Variants in FAM184B observed in about 807,000 individuals in gnomAD.
FAM184B encodes protein FAM184B.
A neutral mutation model predicts 135.9 loss-of-function variants in FAM184B; 111 were observed. The ratio of observed to expected loss-of-function variants is 0.82; its 90% confidence interval spans 0.70 to 0.96. FAM184B has a LOEUF of 0.96. Ranked by LOEUF, FAM184B falls within the 40% of genes least tolerant of loss-of-function variation. The pLI is 0.00. For synonymous variants in FAM184B, 552 were observed against 524.8 expected (o/e 1.05, Z -0.71); for missense variants, 1,375 against 1,323.9 (o/e 1.04, Z -0.60).
Position 17,632,356 on chromosome 4 carries a change from T to G in FAM184B, c.*176A>C. 3 of 472,316 alleles carry G rather than the reference T, an allele frequency of 6.4e-6. No homozygotes were observed. The highest frequency in any genetic ancestry group is 3.7e-5 in the East Asian group (1 of 27,392). The allele number at this position is 472,316 out of a possible 1,614,324, so 29.3% of individuals were successfully genotyped here. A position where few individuals can be genotyped will look rare whatever the true frequency, so the allele number is the denominator to read the frequency against. ...TCCCAAAGTGATGGGATTACAGGCG[T>G]GAGCTGCTGTGCCTGGCAGAACAGT... On this transcript the variant is annotated 3_prime_UTR_variant, in exon 18 of 18. Transcript: ENST00000265018.
intron 5 of FAM184B, among the ~76,000 whole-genome samples, chr4:17,697,226 T>A (rs542230431): frequency 1.2e-4 from 19 of 152,058 alleles, no homozygotes; most frequent in Admixed American, 1.2e-3. Context: ...TGACTGAATG[T>A]GAGGGGTGAG....
intron 3 of FAM184B, 104 bp from the exon 4 acceptor site, chr4:17,705,995 C>T: frequency 6.3e-6 from 9 of 1,430,140 alleles, no homozygotes; most frequent in Non-Finnish European, 8.5e-6. Context: ...ACCACTTTGT[C>T]CAACATCCCC....
chr4:17,646,669 T>C (rs189398214), intron 12 of FAM184B, among the ~76,000 whole-genome samples: 8 of 152,124 alleles, frequency 5.3e-5, no homozygotes, highest in Non-Finnish European at 1.2e-4. Flanking sequence ...ACATGGCACA[T>C]GCACACATAT....
At chr4:17,641,038 A>G (rs530355957) in intron 13 of FAM184B, among the ~76,000 whole-genome samples, 1 of 152,016 alleles carries the variant, frequency 6.6e-6, no homozygotes. Context: ...GGCTCAAGCA[A>G]TCCCCCCTCA....
chr4:17,760,017 G>A (rs1005333209), intron 1 of FAM184B, among the ~76,000 whole-genome samples: 1 of 151,880 alleles, frequency 6.6e-6, no homozygotes, highest in Non-Finnish European at 1.5e-5. Flanking sequence ...CCGCACACCT[G>A]GGCTCTTTTC....
chr4:17,742,152 ATATATATATATATATAT>A (rs1280271617), intron 1 of FAM184B, among the ~76,000 whole-genome samples: 1 of 76,206 alleles, frequency 1.3e-5, no homozygotes, highest in African/African-American at 5.6e-5. Context: ...ATATATATAT[ATATATATATATATATAT>A]TTTTTTTTTT....
At chr4:17,677,789 G>A (rs926462596) in intron 7 of FAM184B, among the ~76,000 whole-genome samples, 1 of 151,974 alleles carries the variant, frequency 6.6e-6, no homozygotes, top group African/African-American at 2.4e-5. Context: ...ACTAGCTAAC[G>A]AAATCCAACA....
At chr4:17,745,567 T>C (rs1399256701) in intron 1 of FAM184B, among the ~76,000 whole-genome samples, 1 of 152,168 alleles carries the variant, frequency 6.6e-6, no homozygotes, top group Non-Finnish European at 1.5e-5. Context: ...GGTTCTCCTA[T>C]CCACCCACTT....
At chr4:17,767,719 G>A (rs1470062337) in intron 1 of FAM184B, among the ~76,000 whole-genome samples, 13 of 29,368 alleles carry the variant, frequency 4.4e-4, no homozygotes, top group Non-Finnish European at 6.4e-4. Context: ...CCCACCCCCC[G>A]CCAGCCCCCT....
chr4:17,781,347 A>G lies in FAM184B; in HGVS notation c.-48T>C. On this transcript the variant is annotated 5_prime_UTR_variant, in exon 1 of 18. Coordinates refer to ENST00000265018, the MANE Select transcript of FAM184B (RefSeq NM_015688.2). This position sits in a 1 kb window ranked among gnomAD's most constrained non-coding sequence, Gnocchi z 6.5. ...AGACTCTCTCGTTTTCTCCCTGCCC[A>G]CCGTGTGCACGTGCGTGCGCGCGCG... is the stretch of plus-strand genomic sequence containing the variant. The G allele has an allele frequency of 1.4e-6, 2 of 1,469,598 alleles. No homozygotes were observed. Among genetic ancestry groups the G allele is most frequent in the Non-Finnish European group, 9.1e-7 (1 of 1,102,494 alleles). 91.0% of individuals were successfully genotyped at this position (1,469,598 alleles called of 1,614,324 possible).
intron 1 of FAM184B, among the ~76,000 whole-genome samples, chr4:17,761,372 G>A (rs1718543711): frequency 6.6e-6 from 1 of 152,158 alleles, no homozygotes; most frequent in South Asian, 2.1e-4. Flanking sequence ...CTTGAGCTTG[G>A]ACTTTCAGGC....
At chr4:17,679,643 A>G (rs114189118) in intron 7 of FAM184B, among the ~76,000 whole-genome samples, 100 of 152,320 alleles carry the variant, frequency 6.6e-4, no homozygotes, top group African/African-American at 2.2e-3. Context: ...ATTGTTTTCT[A>G]TATAGAACTA....
intron 14 of FAM184B, among the ~76,000 whole-genome samples, chr4:17,638,419 C>A (rs996574709): frequency 6.6e-6 from 1 of 151,646 alleles, no homozygotes; most frequent in Non-Finnish European, 1.5e-5. Context: ...TCTCGAACTC[C>A]TGGGCTCAAG....
rs146290673 is a variant in FAM184B at position 17,743,005 on chromosome 4, G to A, written c.142-33361C>T. On this transcript the variant is annotated intron_variant, in intron 1 of 17. Transcript: ENST00000265018. ...CCCCACAGAGCTTGCTCCTGCCAGA[G>A]AGGAGTGGCCGGCCATTCCAGCATC... is the stretch of plus-strand genomic sequence containing the variant. 9.2e-5 allele frequency among the ~76,000 whole-genome samples: 14 copies of A among 152,336 alleles called. No homozygotes were observed. The East Asian group carries it at 2.3e-3, about 25-fold the overall frequency.
At chr4:17,721,040 T>A (rs960749948) in intron 1 of FAM184B, among the ~76,000 whole-genome samples, 6 of 151,808 alleles carry the variant, frequency 4.0e-5, no homozygotes, top group Non-Finnish European at 5.9e-5. Context: ...CACTACCAGA[T>A]CCCCAAAGAG....
At chr4:17,724,978 A>G (rs188305694) in intron 1 of FAM184B, among the ~76,000 whole-genome samples, 2 of 152,122 alleles carry the variant, frequency 1.3e-5, no homozygotes, top group East Asian at 3.9e-4. Context: ...CTCTTCATCC[A>G]CCCCAGAAGT....
intron 13 of FAM184B, among the ~76,000 whole-genome samples, chr4:17,641,461 C>CTTTTTTTTTTTTTTTT (rs71167316): frequency 1.1e-4 from 5 of 45,700 alleles, no homozygotes; most frequent in African/African-American, 3.4e-4. Context: ...AGGACTCCCT[C>CTTTTTTTTTTTTTTTT]TTTTTTTTTT....
chr4:17,658,645 T>G, intron 9 of FAM184B, 83 bp from the exon 10 acceptor site: 2 of 1,305,128 alleles, frequency 1.5e-6, no homozygotes, highest in Non-Finnish European at 2.1e-6. Context: ...TTCTAAATGT[T>G]ACCTCCATGC....
chr4:17,710,964 G>A (rs1717253637), intron 1 of FAM184B, among the ~76,000 whole-genome samples: 1 of 152,216 alleles, frequency 6.6e-6, no homozygotes, highest in South Asian at 2.1e-4. Flanking sequence ...GAGCTACAGA[G>A]GAGGGGGGTG....
Sources: gnomAD v4.1 joint callset for allele counts (sites outside exome capture counted in the v4.1 genomes callset) on GRCh38, gnomAD v4.1.1 for gene constraint, Gnocchi (gnomAD v3.1) non-coding constraint, MANE v1.5 for transcripts, NCBI Gene and HGNC (gene_info 2026-07-23, HGNC 2026-07-21) for gene names.